STAMBPL1: variants seen among roughly 807,000 people sequenced by gnomAD.
The protein encoded by STAMBPL1 is AMSH-like protease.
In STAMBPL1, 44 loss-of-function variants were observed where a neutral mutation model predicts 52.9. The ratio of observed to expected loss-of-function variants is 0.83; its 90% CI spans 0.65 to 1.07. The LOEUF (loss-of-function observed/expected upper bound fraction) is 1.07. STAMBPL1 is among the 50% of genes least tolerant of loss of function. The pLI is 0.00. For missense variants in STAMBPL1, 511 were observed against 520.8 expected (o/e 0.98, Z 0.18); for synonymous variants, 164 against 177.3 (o/e 0.92, Z 0.60).
intron 1 of STAMBPL1, among the ~76,000 whole-genome samples, chr10:88,881,187 A>T (rs1204631148): frequency 6.6e-6 from 1 of 152,050 alleles, no homozygotes; most frequent in Non-Finnish European, 1.5e-5. Flanking sequence ...GAATAACTTA[A>T]AGCTTTCGCT....
chr10:88,900,497 TATAAA>T (rs1452609309), intron 1 of STAMBPL1, among the ~76,000 whole-genome samples: 4 of 152,210 alleles, frequency 2.6e-5, no homozygotes, highest in African/African-American at 7.2e-5. Context: ...TTGTCTCAAC[TATAAA>T]ATAAAGATTC....
chr10:88,921,053 AG>A (rs1845497828), intron 8 of STAMBPL1, among the ~76,000 whole-genome samples: 1 of 152,216 alleles, frequency 6.6e-6, no homozygotes, highest in South Asian at 2.1e-4. Flanking sequence ...TTTCCCAAAA[AG>A]AAGAAAGTAC....
intron 2 of STAMBPL1, among the ~76,000 whole-genome samples, chr10:88,902,173 A>C (rs1436551843): frequency 2.0e-5 from 3 of 152,128 alleles, no homozygotes; most frequent in African/African-American, 7.2e-5. Context: ...TTGTACTTGA[A>C]GCTCTTGTTC....
intron 5 of STAMBPL1, chr10:88,912,830 A>G (rs1845261171): frequency 2.9e-6 from 1 of 340,662 alleles, no homozygotes. Flanking sequence ...TTGATTTTCC[A>G]GTATTTAAAA....
chr10:88,905,521 G>C lies in STAMBPL1; in HGVS notation c.109G>C (p.Gly37Arg). ...GCGAGTCCGTGCCCTAAGCAAGCTT[G>C]GTTGTAATATCACCATCAGTGAAGA... ...EERVRALSKLGCNITISEDIT... is the reference protein window; with the variant it reads ...EERVRALSKLRCNITISEDIT... Residue 37 changes from glycine (G) to arginine (R), a missense_variant, in exon 3 of 11, where the codon GGT becomes CGT. This residue lies in a region of STAMBPL1 where 358 missense variants were observed against 343.5 expected (regional missense o/e 1.04). Transcript: ENST00000371926. The C allele has an allele frequency of 1.2e-6, 2 of 1,614,088 alleles. No homozygotes were observed. Among genetic ancestry groups the C allele is most frequent in the Non-Finnish European group, 1.7e-6 (2 of 1,180,004 alleles).
intron 8 of STAMBPL1, 103 bp downstream of exon 8, chr10:88,916,920 T>G (rs1845386397): frequency 6.5e-6 from 8 of 1,229,140 alleles, no homozygotes; most frequent in Admixed American, 2.9e-5. Flanking sequence ...TTCTTTTTAA[T>G]TTTTTCAAAT....
At chr10:88,886,685 G>T (rs1482806289) in intron 1 of STAMBPL1, among the ~76,000 whole-genome samples, 1 of 152,168 alleles carries the variant, frequency 6.6e-6, no homozygotes, top group African/African-American at 2.4e-5. Flanking sequence ...TTAGAAACAG[G>T]AGGCCAGTGG....
intron 8 of STAMBPL1, among the ~76,000 whole-genome samples, chr10:88,917,019 C>T (rs1845389063): frequency 6.6e-6 from 1 of 152,062 alleles, no homozygotes; most frequent in African/African-American, 2.4e-5. Context: ...CATATTATAG[C>T]ATATTTTTCA....
At position 88,901,655 on chromosome 10, in the gene STAMBPL1, G is replaced by T; in HGVS notation, c.-53-1G>T. 6.3e-7 allele frequency: 1 copy of T among 1,582,026 alleles called. No individual in the cohort carries two copies. The highest frequency in any genetic ancestry group is 8.6e-7 in the Non-Finnish European group (1 of 1,163,054). ...AGTTCTGCTTCTTGTTTTTGAAACA[G>T]ATGAAGTGATTGAGAAGAAACAGTG... On this transcript the variant is annotated splice_acceptor_variant, in intron 1 of 10. Transcript: ENST00000371926. LOFTEE classifies it low-confidence loss of function (5UTR_SPLICE).
At chr10:88,892,795 G>C (rs763838877) in intron 1 of STAMBPL1, among the ~76,000 whole-genome samples, 5 of 152,184 alleles carry the variant, frequency 3.3e-5, no homozygotes, top group Non-Finnish European at 1.5e-5. Flanking sequence ...TTGAATAATA[G>C]TGCTGGACTC....
intron 1 of STAMBPL1, among the ~76,000 whole-genome samples, chr10:88,881,137 T>C (rs1233785299): frequency 6.6e-6 from 1 of 152,134 alleles, no homozygotes; most frequent in Non-Finnish European, 1.5e-5. Flanking sequence ...GATGTTACTT[T>C]TATGCCCTTT....
chr10:88,883,350 A>G (rs545275204), intron 1 of STAMBPL1, among the ~76,000 whole-genome samples: 56 of 152,312 alleles, frequency 3.7e-4, no homozygotes, highest in Non-Finnish European at 7.2e-4. Flanking sequence ...CAAAACAAAA[A>G]CAAAACTCTA....
chr10:88,923,092 C>A, intron 10 of STAMBPL1, 76 bp from the exon 11 acceptor site: 1 of 1,003,174 alleles, frequency 1.0e-6, no homozygotes, highest in Non-Finnish European at 1.5e-6. Context: ...ATCTATACTT[C>A]CTCCCTAAAG....
chr10:88,922,208 A>G (rs942802706), intron 9 of STAMBPL1, 129 bp from the exon 10 acceptor site: 2 of 885,216 alleles, frequency 2.3e-6, no homozygotes, highest in African/African-American at 1.7e-5. Context: ...AAAAATCACT[A>G]TGGAATTCCT....
rs1773239701 is a variant in STAMBPL1 at position 88,913,114 on chromosome 10, C to A, written c.434C>A (p.Ala145Asp). 6.3e-7 allele frequency: 1 copy of A among 1,595,660 alleles called. No homozygotes were observed. The highest frequency in any genetic ancestry group is 2.2e-5 in the East Asian group (1 of 44,688). ...EYLQSKNKYKAEILKKLEHQR... is the reference protein window; with the variant it reads ...EYLQSKNKYKDEILKKLEHQR... ...CACACTTTTTAGAACAAATATAAAG[C>A]TGAAATTCTCAAAAAATTGGAGCAT... The change falls in exon 6 of 11, where the codon GCT becomes GAT. Residue 145 changes from alanine to aspartate, a missense_variant. Ala to Asp is a moderately radical substitution (Grantham distance 126, BLOSUM62 -2). Transcript: ENST00000371926.
rs115518665 is a variant in STAMBPL1 at position 88,884,917 on chromosome 10, G to A, written c.-54+4279G>A. Reference sequence around the variant, plus strand: ...AGTTTCCTTGCTTTTCAATTGAAACGTTAGTTTCTATCTCAGAAGGTTTTA... The same window carrying A: ...AGTTTCCTTGCTTTTCAATTGAAACATTAGTTTCTATCTCAGAAGGTTTTA... On this transcript the variant is annotated intron_variant, in intron 1 of 10. Coordinates refer to ENST00000371926, the MANE Select transcript of STAMBPL1 (RefSeq NM_020799.4). Among the ~76,000 whole-genome samples, 483 of 152,262 alleles carry A rather than the reference G, an allele frequency of 3.2e-3. 4 individuals are homozygous for A. The highest frequency in any genetic ancestry group is 0.011 in the African/African-American group (458 of 41,540).
At chr10:88,916,905 G>T in intron 8 of STAMBPL1, 88 bp downstream of exon 8, 2 of 1,309,076 alleles carry the variant, frequency 1.5e-6, no homozygotes, top group Non-Finnish European at 2.0e-6. Flanking sequence ...CATTTAAATA[G>T]CTTCTTCTTT....
chr10:88,882,892 G>C (rs1253669984), intron 1 of STAMBPL1: 1 of 151,742 alleles, frequency 6.6e-6, no homozygotes, highest in Non-Finnish European at 1.5e-5. Flanking sequence ...TAACTTCTAG[G>C]GTACATGTGC....
intron 2 of STAMBPL1, among the ~76,000 whole-genome samples, chr10:88,903,683 A>G (rs866089893): frequency 2.0e-5 from 3 of 152,280 alleles, no homozygotes; most frequent in Non-Finnish European, 2.9e-5. Flanking sequence ...GTTGAGTTCT[A>G]TAGCCGAGTG....
Sources: allele counts gnomAD v4.1 joint callset (sites outside exome capture counted in the v4.1 genomes callset), GRCh38; gene constraint gnomAD v4.1.1; regional missense constraint gnomAD v4.1.1; transcripts MANE v1.5; gene names NCBI Gene and HGNC (gene_info 2026-07-23, HGNC 2026-07-21).